The following PCDH17 variants were observed in gnomAD, a reference collection of about 807,000 sequenced individuals.
The protein encoded by PCDH17 is protocadherin 17, also known as protocadherin-17.
PCDH17 carries 21 observed loss-of-function variants against 67.7 expected under a neutral mutation model. The observed-to-expected ratio is 0.31, with a 90% CI of 0.22 to 0.45. The LOEUF is 0.45. PCDH17 is among the 20% of genes least tolerant of loss of function. The pLI is 1.00. For synonymous variants in PCDH17, 701 were observed against 656.7 expected, an observed-to-expected ratio of 1.07 and a Z score of -1.03; for missense variants, 1,471 against 1,564.8, an observed-to-expected ratio of 0.94 and a Z score of 1.01.
At chr13:57,690,081 A>G (rs925082123) in intron 3 of PCDH17, among the ~76,000 whole-genome samples, 3 of 151,792 alleles carry the variant, frequency 2.0e-5, no homozygotes, top group Non-Finnish European at 4.4e-5. Flanking sequence ...ATTCTTCAGA[A>G]TCTTCACATA....
intron 3 of PCDH17, among the ~76,000 whole-genome samples, chr13:57,710,457 A>AT (rs1955765567): frequency 6.6e-6 from 1 of 151,930 alleles, no homozygotes; most frequent in Admixed American, 6.6e-5. Flanking sequence ...AAATTATGCA[A>AT]TACATTTCAA....
At chr13:57,660,675 C>G (rs1382446505) in intron 1 of PCDH17, among the ~76,000 whole-genome samples, 1 of 152,176 alleles carries the variant, frequency 6.6e-6, no homozygotes, top group African/African-American at 2.4e-5. Context: ...TGCTATCTCT[C>G]TCTATCATAC....
chr13:57,699,834 T>C (rs1332974858), intron 3 of PCDH17, among the ~76,000 whole-genome samples: 1 of 152,084 alleles, frequency 6.6e-6, no homozygotes, highest in African/African-American at 2.4e-5. Flanking sequence ...AAATGTATAT[T>C]CTTTTCCAGG....
intron 3 of PCDH17, among the ~76,000 whole-genome samples, chr13:57,700,461 G>GGGACTA (rs1955651716): frequency 6.6e-6 from 1 of 151,940 alleles, no homozygotes; most frequent in Admixed American, 6.6e-5. Flanking sequence ...TGGGACTACA[G>GGGACTA]GCGCGTGCCA....
chr13:57,631,241 C>A (rs1371906980), upstream of PCDH17, among the ~76,000 whole-genome samples: 1 of 152,038 alleles, frequency 6.6e-6, no homozygotes, highest in Non-Finnish European at 1.5e-5. Context: ...GGAGGCAGGG[C>A]TATTGGAAGG....
At chr13:57,715,178 T>C (rs982752123) in intron 3 of PCDH17, among the ~76,000 whole-genome samples, 3 of 151,958 alleles carry the variant, frequency 2.0e-5, no homozygotes, top group South Asian at 2.1e-4. Context: ...CTGTAAACAA[T>C]GCATATCTCA....
intron 3 of PCDH17, among the ~76,000 whole-genome samples, chr13:57,710,221 CACCTGAGAAACTG>C (rs1442609911): frequency 6.6e-6 from 1 of 151,826 alleles, no homozygotes; most frequent in African/African-American, 2.4e-5. Context: ...AACTGTGTTT[CACCTGAGAAACTG>C]AGTCCCCAAA....
Position 57,633,970 on chromosome 13 carries a change from G to T in PCDH17, c.1424G>T (p.Gly475Val). Reference sequence around the variant, plus strand: ...GACAACCCGCCTCGGTTCACCAAAGGGCTCTACGTGCTTCAGGTGCACGAG... The same window carrying T: ...GACAACCCGCCTCGGTTCACCAAAGTGCTCTACGTGCTTCAGGTGCACGAG... ...ENDNPPRFTK[G>V]LYVLQVHENN... The change falls in exon 1 of 4, where the codon GGG (glycine) becomes GTG (valine). Residue 475 changes from glycine (G) to valine (V), a missense_variant. Around this residue, in one of 3 missense-constraint regions of PCDH17, gnomAD observed 1,163 missense variants for 1,230.0 expected, o/e 0.95. Coordinates refer to ENST00000377918, the MANE Select transcript of PCDH17 (RefSeq NM_001040429.3). This position sits in a 1 kb window ranked among gnomAD's most constrained non-coding sequence, Gnocchi z 6.2. The T allele has an allele frequency of 6.2e-7, 1 of 1,613,564 alleles. No homozygotes were observed. Among genetic ancestry groups the T allele is most frequent in the South Asian group, 1.1e-5 (1 of 91,080 alleles).
chr13:57,647,309 A>G (rs1471366192), intron 1 of PCDH17, among the ~76,000 whole-genome samples: 1 of 151,826 alleles, frequency 6.6e-6, no homozygotes. Context: ...AAGAAAAGGA[A>G]ATAAATTATT....
Position 57,689,673 on chromosome 13 carries a change from A to G in PCDH17, c.2797+22840A>G, listed in dbSNP as rs552733626. Reference sequence around the variant, plus strand: ...TTCTGTATATGCATAATGCAATCGGATTTATTCCAAATATATAATTTGTGG... The same window carrying G: ...TTCTGTATATGCATAATGCAATCGGGTTTATTCCAAATATATAATTTGTGG... On this transcript the variant is annotated intron_variant, in intron 3 of 3. Transcript: ENST00000377918. Among the ~76,000 whole-genome samples, 90 of 152,026 alleles carry G rather than the reference A, an allele frequency of 5.9e-4. 1 individual carries two copies. Among genetic ancestry groups the G allele is most frequent in the African/African-American group, 2.0e-3 (84 of 41,528 alleles).
At chr13:57,719,106 A>C (rs1443969000) in intron 3 of PCDH17, among the ~76,000 whole-genome samples, 1 of 152,006 alleles carries the variant, frequency 6.6e-6, no homozygotes, top group Non-Finnish European at 1.5e-5. Flanking sequence ...ATATTATGAA[A>C]GCTTACATTG....
Position 57,693,315 on chromosome 13 carries a change from C to CATATATATATATATATATAT in PCDH17, c.2797+26493_2797+26512dup, listed in dbSNP as rs59643529. 4.4e-3 allele frequency among the ~76,000 whole-genome samples: 394 copies of CATATATATATATATATATAT among 89,260 alleles called. 18 individuals are homozygous for CATATATATATATATATATAT. Among genetic ancestry groups the CATATATATATATATATATAT allele is most frequent in the Middle Eastern group, 0.012 (1 of 82 alleles). The allele number at this position is 89,260 out of a possible 152,430, so 58.6% of individuals were successfully genotyped here. On this transcript the variant is annotated intron_variant, in intron 3 of 3. Transcript: ENST00000377918. Reference sequence around the variant, plus strand: ...CTTGGTATATTTGTTCACTTACATTCATATATATATATATATATATATATA... The same window carrying CATATATATATATATATATAT: ...CTTGGTATATTTGTTCACTTACATTCATATATATATATATATATATATATATATATATATATATATATATA...
At chr13:57,695,070 T>C (rs1169780777) in intron 3 of PCDH17, among the ~76,000 whole-genome samples, 2 of 151,266 alleles carry the variant, frequency 1.3e-5, no homozygotes, top group Non-Finnish European at 3.0e-5. Context: ...GTCTCATTTA[T>C]CCAGTTGAAT....
intron 3 of PCDH17, among the ~76,000 whole-genome samples, chr13:57,704,674 TAAA>T (rs1209413667): frequency 6.6e-6 from 1 of 151,708 alleles, no homozygotes; most frequent in African/African-American, 2.4e-5. Flanking sequence ...TATGCTACAA[TAAA>T]ACATGTATTG....
chr13:57,644,448 C>T (rs949321297), intron 1 of PCDH17, among the ~76,000 whole-genome samples: 6 of 151,410 alleles, frequency 4.0e-5, no homozygotes, highest in African/African-American at 1.2e-4. Flanking sequence ...AAGACAATTA[C>T]ATAGTAATTT....
In PCDH17 at chr13:57,726,968, T is replaced by A. The variant is rs987445612; in HGVS notation, c.*1674T>A. 2.0e-5 allele frequency: 3 copies of A among 152,640 alleles called. No individual in the cohort carries two copies. The highest frequency in any genetic ancestry group is 6.5e-5 in the Admixed American group (1 of 15,274). The allele number at this position is 152,640 out of a possible 1,614,324, so 9.5% of individuals were successfully genotyped here. A position where few individuals can be genotyped will look rare whatever the true frequency, so the allele number is the denominator to read the frequency against. On this transcript the variant is annotated 3_prime_UTR_variant, in exon 4 of 4. Transcript: ENST00000377918. ...TTTATCTCAGTGCTCTTCTGCCTCT[T>A]TTTGTTGGTGTCCTTTGAGAACAAT...
chr13:57,663,630 A>C (rs2138019808), intron 1 of PCDH17, among the ~76,000 whole-genome samples: 1 of 152,352 alleles, frequency 6.6e-6, no homozygotes, highest in East Asian at 1.9e-4. Flanking sequence ...AATGGCTATT[A>C]CGTTATGGTA....
chr13:57,631,497 T>G (rs1431548321), upstream of PCDH17, among the ~76,000 whole-genome samples: 1 of 152,170 alleles, frequency 6.6e-6, no homozygotes, highest in Non-Finnish European at 1.5e-5. Context: ...AGAGAAGTCC[T>G]TGCTCGCGGG....
rs753043061 is a variant in PCDH17, at chr13:57,725,077, C to T, written c.3263C>T (p.Pro1088Leu). 1.2e-6 allele frequency: 2 copies of T among 1,614,142 alleles called. No individual in the cohort carries two copies. Among genetic ancestry groups the T allele is most frequent in the South Asian group, 1.1e-5 (1 of 91,088 alleles). The change falls in exon 4 of 4, where the codon CCT (proline) becomes CTT (leucine). Residue 1088 changes from proline (P) to leucine (L), a missense_variant. By Grantham distance (98) the Pro-to-Leu change is moderately conservative. This residue lies in a region of PCDH17 where 297 missense variants were observed against 298.6 expected (regional missense o/e 0.99). Coordinates refer to ENST00000377918, the MANE Select transcript of PCDH17 (RefSeq NM_001040429.3). ...TCACCTAGTAAGCAACCAAGAGACCCTCCCTTCATGGCTTCCGATCAGATG... is the reference window on the plus strand; with the variant it reads ...TCACCTAGTAAGCAACCAAGAGACCTTCCCTTCATGGCTTCCGATCAGATG... ...YLSPSKQPRD[P>L]PFMASDQMAR...
Sources: gnomAD v4.1 joint callset for allele counts (sites outside exome capture counted in the v4.1 genomes callset) on GRCh38, gnomAD v4.1.1 for gene constraint, gnomAD v4.1.1 regional missense constraint, Gnocchi (gnomAD v3.1) non-coding constraint, MANE v1.5 for transcripts, NCBI Gene and HGNC (gene_info 2026-07-23, HGNC 2026-07-21) for gene names.